APP: variants seen among roughly 807,000 people sequenced by gnomAD.
The protein encoded by APP is amyloid beta precursor protein.
In APP, 31 loss-of-function variants were observed where a neutral mutation model predicts 101.4. The observed-to-expected ratio is 0.31, with a 90% CI of 0.23 to 0.41. The LOEUF is 0.41. Among genes scored for constraint, APP ranks in the 10% least tolerant of loss-of-function variants. The probability of loss-of-function intolerance (pLI) is 1.00; values close to 1 mark genes in which losing one functional copy is unlikely to be tolerated. For missense variants in APP, 839 were observed against 1,003.7 expected, an observed-to-expected ratio of 0.84 and a Z score of 2.22; for synonymous variants, 366 against 364.4, an observed-to-expected ratio of 1.00 and a Z score of -0.05.
At chr21:26,170,445 A>G in intron 1 of APP, 119 bp downstream of exon 1, 2 of 1,070,728 alleles carry the variant, frequency 1.9e-6, no homozygotes, top group Non-Finnish European at 2.7e-6. Flanking sequence ...GGCGGAGAGG[A>G]GAGGGGTCCC....
At chr21:25,981,138 C>T (rs114445735) in intron 9 of APP, among the ~76,000 whole-genome samples, 2,589 of 152,122 alleles carry the variant, frequency 0.017, 68 homozygotes, top group African/African-American at 0.06. Context: ...TGCTCAGGGG[C>T]CATTCATTTG....
At chr21:26,027,586 T>C (rs2146805747) in intron 5 of APP, among the ~76,000 whole-genome samples, 1 of 152,170 alleles carries the variant, frequency 6.6e-6, no homozygotes, top group African/African-American at 2.4e-5. Context: ...CTATTTGAAT[T>C]AAATATGAAA....
At chr21:26,016,036 AT>A (rs758572910) in intron 6 of APP, among the ~76,000 whole-genome samples, 1,526 of 144,816 alleles carry the variant, frequency 0.011, 5 homozygotes, top group Non-Finnish European at 0.015. Flanking sequence ...TCATTTTTCT[AT>A]TTTTTTTTTT....
At chr21:25,942,866 G>A (rs1234104476) in intron 13 of APP, among the ~76,000 whole-genome samples, 1 of 152,066 alleles carries the variant, frequency 6.6e-6, no homozygotes, top group East Asian at 1.9e-4. Context: ...CAATGTGATG[G>A]ACGATGCATC....
intron 1 of APP, among the ~76,000 whole-genome samples, chr21:26,138,200 A>G (rs2062961655): frequency 6.6e-6 from 1 of 152,202 alleles, no homozygotes; most frequent in African/African-American, 2.4e-5. Context: ...AATGCTTCAG[A>G]AAAGAAAATG....
At chr21:25,910,710 C>A (rs1263167627) in intron 14 of APP, among the ~76,000 whole-genome samples, 1 of 152,114 alleles carries the variant, frequency 6.6e-6, no homozygotes, top group Admixed American at 6.5e-5. Flanking sequence ...CTCTGAGGTA[C>A]CAAAGGAAAA....
chr21:26,024,312 G>A (rs957840157), intron 5 of APP, among the ~76,000 whole-genome samples: 7 of 140,396 alleles, frequency 5.0e-5, no homozygotes, highest in African/African-American at 2.0e-4. Flanking sequence ...TACCCAGAAG[G>A]AAAAAAAAAA....
intron 5 of APP, among the ~76,000 whole-genome samples, chr21:26,024,776 A>T: frequency 6.6e-6 from 1 of 151,890 alleles, no homozygotes; most frequent in East Asian, 1.9e-4. Flanking sequence ...GGCGTTTATA[A>T]AAGTTTCAAA....
chr21:26,062,642 A>G (rs190577294), intron 3 of APP, among the ~76,000 whole-genome samples: 9 of 138,624 alleles, frequency 6.5e-5, no homozygotes, highest in Non-Finnish European at 1.3e-4. Context: ...AGCCTGGGTG[A>G]CAGAGGGAGA....
chr21:25,961,263 A>T (rs1353604817), intron 11 of APP, among the ~76,000 whole-genome samples: 1 of 152,144 alleles, frequency 6.6e-6, no homozygotes, highest in Admixed American at 6.5e-5. Context: ...TGTACTTCTT[A>T]TATGTATTGA....
At chr21:26,050,966 G>C in intron 5 of APP, 34 bp downstream of exon 5, 1 of 1,607,924 alleles carries the variant, frequency 6.2e-7, no homozygotes, top group South Asian at 1.1e-5. Flanking sequence ...AGATGTTTCA[G>C]CATCTCTGAG....
At chr21:25,914,593 G>A (rs574440569) in intron 13 of APP, among the ~76,000 whole-genome samples, 3 of 128,792 alleles carry the variant, frequency 2.3e-5, no homozygotes, top group East Asian at 2.3e-4. Flanking sequence ...TTGCTCTGTC[G>A]CCCAGGCTGG....
At chr21:26,149,736 T>C (rs1176154436) in intron 1 of APP, among the ~76,000 whole-genome samples, 1 of 152,240 alleles carries the variant, frequency 6.6e-6, no homozygotes, top group Non-Finnish European at 1.5e-5. Context: ...GATTAAAATG[T>C]ACATTCTTTT....
chr21:26,048,547 C>A (rs1188371496), intron 5 of APP, among the ~76,000 whole-genome samples: 2 of 152,052 alleles, frequency 1.3e-5, no homozygotes, highest in African/African-American at 2.4e-5. Context: ...ACCATGAAGT[C>A]CTTACCAAAA....
intron 11 of APP, among the ~76,000 whole-genome samples, chr21:25,969,419 G>A (rs557994011): frequency 6.8e-6 from 1 of 148,060 alleles, no homozygotes; most frequent in Non-Finnish European, 1.5e-5. Flanking sequence ...GCAGACCTAA[G>A]TGCCAGGTCA....
intron 2 of APP, among the ~76,000 whole-genome samples, chr21:26,100,077 G>T (rs1568973881): frequency 6.6e-6 from 1 of 152,128 alleles, no homozygotes; most frequent in Non-Finnish European, 1.5e-5. Context: ...GGGAAGAGAT[G>T]GGAGAGAAAT....
At chr21:26,017,210 A>ACAAAC (rs1568861672) in intron 6 of APP, among the ~76,000 whole-genome samples, 59 of 149,642 alleles carry the variant, frequency 3.9e-4, no homozygotes, top group African/African-American at 1.4e-3. Context: ...AAAAAAAAAA[A>ACAAAC]AAAAAAAATT....
intron 5 of APP, among the ~76,000 whole-genome samples, chr21:26,033,411 C>A (rs1450793893): frequency 1.3e-5 from 2 of 152,172 alleles, no homozygotes; most frequent in African/African-American, 2.4e-5. Flanking sequence ...CTCAGCCATG[C>A]AGAACTGTGA....
At chr21:26,029,175 G>A (rs2044711124) in intron 5 of APP, among the ~76,000 whole-genome samples, 1 of 152,174 alleles carries the variant, frequency 6.6e-6, no homozygotes, top group Non-Finnish European at 1.5e-5. Context: ...CAGGCATAGT[G>A]TTACCCAGTA....
Sources: gnomAD v4.1 joint callset for allele counts (sites outside exome capture counted in the v4.1 genomes callset) on GRCh38, gnomAD v4.1.1 for gene constraint, MANE v1.5 for transcripts, NCBI Gene and HGNC (gene_info 2026-07-23, HGNC 2026-07-21) for gene names.